SPRY1: variants seen among roughly 807,000 people sequenced by gnomAD.
The protein encoded by SPRY1 is protein sprouty homolog 1.
In SPRY1, 20 loss-of-function variants were observed where a neutral mutation model predicts 22.6. That is an observed-to-expected ratio of 0.89 (90% CI 0.62 to 1.29). The LOEUF (loss-of-function observed/expected upper bound fraction) is 1.29. Among genes scored for constraint, SPRY1 ranks in the 50% most tolerant of loss-of-function variants. The pLI, the probability that SPRY1 is intolerant of heterozygous loss-of-function variation, is 0.00. For missense variants in SPRY1, 446 were observed against 387.7 expected (o/e 1.15, Z -1.26); for synonymous variants, 155 against 144.7 (o/e 1.07, Z -0.51).
chr4:123,398,674 C>T (rs575975807), intron 2 of SPRY1, among the ~76,000 whole-genome samples: 1 of 152,110 alleles, frequency 6.6e-6, no homozygotes, highest in African/African-American at 2.4e-5. Context: ...CGGCCCCTCC[C>T]GCCGCTCCCT....
rs1579160559 is a variant in SPRY1 at position 123,402,719 on chromosome 4, C to T, written c.*168C>T. The T allele has an allele frequency of 1.1e-6, 1 of 887,698 alleles. No homozygotes were observed. Among genetic ancestry groups the T allele is most frequent in the South Asian group, 2.0e-5 (1 of 51,216 alleles). 55.0% of individuals were successfully genotyped at this position (887,698 alleles called of 1,614,324 possible). On this transcript the variant is annotated 3_prime_UTR_variant, in exon 3 of 3. Transcript: ENST00000651917. ...ATTTTTCTCTTTCCTCATGGATGAT[C>T]TTCAGCAAGAGTGGACTGGGAAGCT...
chr4:123,398,983 C>T (rs772804324), intron 2 of SPRY1, among the ~76,000 whole-genome samples: 2 of 152,104 alleles, frequency 1.3e-5, no homozygotes, highest in African/African-American at 4.8e-5. Flanking sequence ...CCGATTACCC[C>T]CTCGATAGAA....
intron 2 of SPRY1, among the ~76,000 whole-genome samples, chr4:123,399,357 C>CA (rs1435262220): frequency 2.0e-5 from 3 of 151,496 alleles, no homozygotes; most frequent in African/African-American, 4.9e-5. Context: ...GCCTGGGAGA[C>CA]AAAGTGAGAC....
chr4:123,401,451 TTG>T, intron 2 of SPRY1, 84 bp from the exon 3 acceptor site: 1 of 1,224,648 alleles, frequency 8.2e-7, no homozygotes, highest in South Asian at 1.5e-5. Context: ...TTTAGGCAAT[TTG>T]TGATTTGACA....
At position 123,401,566 on chromosome 4, in the gene SPRY1, A is replaced by G. The variant is rs1725153000; in HGVS notation, c.-26A>G. ...TCAGATGCATGCCAGGTTTCCACTGATTGCCAGAACTCGAGATCACTACAC... is the reference window on the plus strand; with the variant it reads ...TCAGATGCATGCCAGGTTTCCACTGGTTGCCAGAACTCGAGATCACTACAC... On this transcript the variant is annotated 5_prime_UTR_variant, in exon 3 of 3. It removes the in-frame stop codon of an upstream open reading frame in the 5' UTR. Coordinates refer to ENST00000651917, the MANE Select transcript of SPRY1 (RefSeq NM_001258038.2). 1 of 1,596,792 alleles carries G rather than the reference A, an allele frequency of 6.3e-7. No individual in the cohort carries two copies.
Position 123,402,868 on chromosome 4 carries a change from C to G in SPRY1, c.*317C>G. On this transcript the variant is annotated 3_prime_UTR_variant, in exon 3 of 3. Transcript: ENST00000651917. ...TTCTAAAGTTGTGTACATGAACATA[C>G]ACCCACATCCAGACTACAGTGATTT... 4.1e-6 allele frequency: 2 copies of G among 482,028 alleles called. No individual in the cohort carries two copies. Among genetic ancestry groups the G allele is most frequent in the Non-Finnish European group, 7.5e-6 (2 of 267,086 alleles). The allele number at this position is 482,028 out of a possible 1,614,324, so 29.9% of individuals were successfully genotyped here. A position where few individuals can be genotyped will look rare whatever the true frequency, so the allele number is the denominator to read the frequency against.
chr4:123,401,774 A>G lies in SPRY1; in HGVS notation c.183A>G (p.Lys61=), dbSNP rs149918227. 13 of 1,614,112 alleles carry G rather than the reference A, an allele frequency of 8.1e-6. No homozygotes were observed. In the African/African-American group the frequency reaches 1.5e-4, roughly 18 times the overall value. ...ACACAGAAGGGCCTTCGGTGGTGAA[A>G]AGACCTGCTCCTCGGACAGCACCAA... The part of the protein sequence containing the change: ...NEYTEGPSVV[K]RPAPRTAPRQ... Residue 61 remains lysine (K), a synonymous_variant, in exon 3 of 3, where the codon AAA becomes AAG. Transcript: ENST00000651917.
chr4:123,399,620 C>T (rs1048264390), intron 2 of SPRY1: 5 of 152,278 alleles, frequency 3.3e-5, no homozygotes, highest in African/African-American at 1.2e-4. Context: ...CCAGCTTTTC[C>T]TTTAAAGCAT....
intron 2 of SPRY1, among the ~76,000 whole-genome samples, chr4:123,401,326 C>T (rs1490939102): frequency 1.3e-5 from 2 of 152,110 alleles, no homozygotes; most frequent in African/African-American, 4.8e-5. Context: ...GGCATGGGGT[C>T]TCTTGTTTAT....
Position 123,402,710 on chromosome 4 carries a change from A to G in SPRY1, c.*159A>G. On this transcript the variant is annotated 3_prime_UTR_variant, in exon 3 of 3. Transcript: ENST00000651917. ...AACTCATGGATTTTTCTCTTTCCTC[A>G]TGGATGATCTTCAGCAAGAGTGGAC... 2 of 938,476 alleles carry G rather than the reference A, an allele frequency of 2.1e-6. No homozygotes were observed. Among genetic ancestry groups the G allele is most frequent in the Non-Finnish European group, 3.1e-6 (2 of 637,428 alleles). 58.1% of individuals were successfully genotyped at this position (938,476 alleles called of 1,614,324 possible). A position where few individuals can be genotyped will look rare whatever the true frequency, so the allele number is the denominator to read the frequency against.
chr4:123,400,806 C>T (rs779043932), intron 2 of SPRY1, among the ~76,000 whole-genome samples: 5 of 152,144 alleles, frequency 3.3e-5, no homozygotes, highest in Non-Finnish European at 7.3e-5. Flanking sequence ...AAAAAATCCT[C>T]TCAGGATTTC....
At position 123,401,646 on chromosome 4, in the gene SPRY1, C is replaced by T; in HGVS notation, c.55C>T (p.Pro19Ser). 6.2e-7 allele frequency: 1 copy of T among 1,614,162 alleles called. No homozygotes were observed. The highest frequency in any genetic ancestry group is 8.5e-7 in the Non-Finnish European group (1 of 1,180,048). The change falls in exon 3 of 3, where the codon CCT (proline) becomes TCT (serine). Residue 19 changes from proline to serine, a missense_variant. Transcript: ENST00000651917. ...CAGTTCGTTAGTTGTGATCCAGCAG[C>T]CTTCTTTGGATAGCCGTCAGAGATT... Reference protein sequence around the residue: ...SGSSLVVIQQPSLDSRQRLDY... With the variant: ...SGSSLVVIQQSSLDSRQRLDY...
At chr4:123,400,980 G>GA (rs1725122549) in intron 2 of SPRY1, among the ~76,000 whole-genome samples, 2 of 152,034 alleles carry the variant, frequency 1.3e-5, no homozygotes, top group Non-Finnish European at 2.9e-5. Context: ...GATTTATATA[G>GA]AAAATTACCT....
intron 2 of SPRY1, chr4:123,399,851 G>A (rs1239351088): frequency 6.6e-6 from 1 of 152,258 alleles, no homozygotes; most frequent in African/African-American, 2.4e-5. Flanking sequence ...GCGCGTGTGA[G>A]CGTGTTTGGG....
At chr4:123,399,274 A>ACT (rs1025513302) in intron 2 of SPRY1, among the ~76,000 whole-genome samples, 3 of 151,838 alleles carry the variant, frequency 2.0e-5, no homozygotes, top group African/African-American at 7.3e-5. Flanking sequence ...TACTCGAGAG[A>ACT]CTGAGGCGGG....
At chr4:123,398,919 A>T (rs938101880) in intron 2 of SPRY1, among the ~76,000 whole-genome samples, 7 of 151,628 alleles carry the variant, frequency 4.6e-5, no homozygotes, top group African/African-American at 1.7e-4. Flanking sequence ...AAGCAGGGGG[A>T]CGACAAAGGC....
chr4:123,401,623 G>A lies in SPRY1; in HGVS notation c.32G>A (p.Ser11Asn). MDPQNQHGSG[S>N]SLVVIQQPSL... ...CCCCAAAATCAACATGGCAGTGGCA[G>A]TTCGTTAGTTGTGATCCAGCAGCCT... Residue 11 changes from serine (S) to asparagine (N), a missense_variant, in exon 3 of 3, where the codon AGT becomes AAT. Transcript: ENST00000651917. 1.2e-6 allele frequency: 2 copies of A among 1,614,184 alleles called. No individual in the cohort carries two copies. Among genetic ancestry groups the A allele is most frequent in the Non-Finnish European group, 1.7e-6 (2 of 1,180,034 alleles).
At chr4:123,400,589 A>G (rs1189416822) in intron 2 of SPRY1, among the ~76,000 whole-genome samples, 1 of 152,216 alleles carries the variant, frequency 6.6e-6, no homozygotes, top group Admixed American at 6.5e-5. Context: ...TCTGGATATT[A>G]GTGTGCTGAT....
rs1339659079 is a variant in SPRY1, at chr4:123,401,641, A to C, written c.50A>C (p.Gln17Pro). The C allele has an allele frequency of 6.2e-7, 1 of 1,614,224 alleles. No homozygotes were observed. Among genetic ancestry groups the C allele is most frequent in the East Asian group, 2.2e-5 (1 of 44,876 alleles). ...AGTGGCAGTTCGTTAGTTGTGATCC[A>C]GCAGCCTTCTTTGGATAGCCGTCAG... Reference protein sequence around the residue: ...HGSGSSLVVIQQPSLDSRQRL... With the variant: ...HGSGSSLVVIPQPSLDSRQRL... The change falls in exon 3 of 3, where the codon CAG (glutamine) becomes CCG (proline). Residue 17 changes from glutamine (Q) to proline (P), a missense_variant. By Grantham distance (76) the Gln-to-Pro change is moderately conservative (BLOSUM62 -1). Coordinates refer to ENST00000651917, the MANE Select transcript of SPRY1 (RefSeq NM_001258038.2).
Sources: gnomAD v4.1 joint callset for allele counts (sites outside exome capture counted in the v4.1 genomes callset) on GRCh38, gnomAD v4.1.1 for gene constraint, MANE v1.5 for transcripts, NCBI Gene and HGNC (gene_info 2026-07-23, HGNC 2026-07-21) for gene names.